The following SATL1 variants were observed in gnomAD, a reference collection of about 807,000 sequenced individuals.
The protein encoded by SATL1 is spermidine/spermine N1-acetyl transferase like 1, also known as spermidine/spermine N(1)-acetyltransferase-like protein 1.
Under a neutral mutation model 51.8 loss-of-function variants are expected in SATL1, and 47 were observed. The observed-to-expected ratio is 0.91, with a 90% CI of 0.72 to 1.16. SATL1 has a LOEUF of 1.16. Ranked by LOEUF, SATL1 falls within the 50% of genes most tolerant of loss-of-function variation. The pLI, the probability that SATL1 is intolerant of heterozygous loss-of-function variation, is 0.00. For synonymous variants in SATL1, 176 were observed against 182.4 expected (o/e 0.97, Z 0.28); for missense variants, 520 against 526.4 (o/e 0.99, Z 0.12).
At chrX:85,145,664 T>C in intron 2 of SATL1, among the ~76,000 whole-genome samples, 1 of 111,056 alleles carries the variant, frequency 9.0e-6, no homozygotes, top group Non-Finnish European at 1.9e-5. Context: ...CAAAATGTGG[T>C]AGACACATTT....
At chrX:85,122,236 T>A (rs1925524454) in intron 2 of SATL1, among the ~76,000 whole-genome samples, 1 of 111,314 alleles carries the variant, frequency 9.0e-6, no homozygotes. Flanking sequence ...TTCCCTGACA[T>A]CCTTTAAACA....
intron 2 of SATL1, among the ~76,000 whole-genome samples, chrX:85,193,956 T>C (rs151224384): frequency 0.017 from 1,869 of 112,033 alleles, 24 homozygotes; most frequent in Non-Finnish European, 0.026. Flanking sequence ...TCTTTGCTAT[T>C]GTGAACAGTG....
intron 2 of SATL1, among the ~76,000 whole-genome samples, chrX:85,143,753 A>C (rs958993924): frequency 2.7e-5 from 3 of 111,456 alleles, no homozygotes; most frequent in African/African-American, 9.8e-5. Context: ...GATCTCTGAG[A>C]TAAATATGAA....
In SATL1 at chrX:85,108,107, G is replaced by A. The variant is rs1925127944; in HGVS notation, c.862C>T (p.Gln288Ter). ...ATGCTTGGTTGTTTCATGTCCACTT[G>A]GTTCATTTCATATAGGCTTGCACTC... ...QWSASLYEMN[Q>*]VDMKQPSMSQ... is the part of the protein sequence containing the mutation. Residue 288 changes from glutamine (Q) to a stop codon, truncating the protein, a stop_gained, in exon 3 of 8, where the codon CAA (glutamine) becomes TAA (stop). Coordinates refer to ENST00000644105, the MANE Select transcript of SATL1 (RefSeq NM_001367857.2). LOFTEE classifies it high-confidence loss of function. 1.7e-6 allele frequency: 2 copies of A among 1,209,771 alleles called. No homozygotes were observed. Among genetic ancestry groups the A allele is most frequent in the Admixed American group, 2.2e-5 (1 of 45,745 alleles).
intron 2 of SATL1, among the ~76,000 whole-genome samples, chrX:85,133,291 G>A (rs891240199): frequency 7.1e-5 from 8 of 111,996 alleles, no homozygotes; most frequent in African/African-American, 1.9e-4. Flanking sequence ...GGTGGGCCTC[G>A]TTGAGCTGCG....
At chrX:85,133,099 G>A (rs1293210608) in intron 2 of SATL1, among the ~76,000 whole-genome samples, 1 of 112,103 alleles carries the variant, frequency 8.9e-6, no homozygotes, top group African/African-American at 3.2e-5. Context: ...TCCAAGTTAG[G>A]CTACATGAGG....
chrX:85,157,406 T>A (rs1160809234), intron 2 of SATL1, among the ~76,000 whole-genome samples: 1 of 111,749 alleles, frequency 8.9e-6, no homozygotes, highest in Non-Finnish European at 1.9e-5. Context: ...ATATTGTTGA[T>A]GTCTCCAAAA....
intron 2 of SATL1, among the ~76,000 whole-genome samples, chrX:85,215,433 T>C (rs1481038144): frequency 1.8e-5 from 2 of 112,240 alleles, no homozygotes; most frequent in East Asian, 5.6e-4. Flanking sequence ...TTTTCTTCTC[T>C]ATCACATGGC....
chrX:85,117,311 C>A (rs778559066), intron 2 of SATL1: 3 of 111,595 alleles, frequency 2.7e-5, no homozygotes, highest in Non-Finnish European at 5.6e-5. Flanking sequence ...CCTTATTTCC[C>A]TCAGTCAAAT....
chrX:85,151,547 T>C (rs1210391654), intron 2 of SATL1, among the ~76,000 whole-genome samples: 3 of 111,386 alleles, frequency 2.7e-5, no homozygotes, highest in Non-Finnish European at 3.8e-5. Context: ...GGAGGCATCA[T>C]GCTACCTGAC....
At position 85,118,087 on chromosome X, in the gene SATL1, C is replaced by CTTTTTTT. The variant is rs747093188; in HGVS notation, c.-312-8814_-312-8808dup. Among the ~76,000 whole-genome samples, 29 of 46,174 alleles carry CTTTTTTT rather than the reference C, an allele frequency of 6.3e-4. 7 individuals carry two copies. The highest frequency in any genetic ancestry group is 2.5e-3 in the South Asian group (2 of 790). The allele number at this position is 46,174 out of a possible 115,157, so 40.1% of individuals were successfully genotyped here. ...TTTTGCAAATAAAAAAAGAACTTAG[C>CTTTTTTT]TTTTTTTTTTTTTTTTCCAGAGTGC... On this transcript the variant is annotated intron_variant, in intron 2 of 7. Coordinates refer to ENST00000644105, the MANE Select transcript of SATL1 (RefSeq NM_001367857.2).
chrX:85,093,073 A>G, intron 7 of SATL1, 112 bp downstream of exon 7: 2 of 706,037 alleles, frequency 2.8e-6, no homozygotes, highest in African/African-American at 2.2e-5. Context: ...AATTTGAAGT[A>G]TATGTTGGGG....
intron 1 of SATL1, among the ~76,000 whole-genome samples, chrX:85,239,987 T>C (rs913103347): frequency 3.6e-5 from 4 of 111,535 alleles, no homozygotes; most frequent in African/African-American, 1.3e-4. Context: ...TTTGAAAACA[T>C]TTTTTCTGCC....
At chrX:85,167,216 T>G in intron 2 of SATL1, among the ~76,000 whole-genome samples, 1 of 98,775 alleles carries the variant, frequency 1.0e-5, no homozygotes, top group African/African-American at 3.8e-5. Flanking sequence ...AGCATACGGA[T>G]GATTGATATA....
intron 2 of SATL1, among the ~76,000 whole-genome samples, chrX:85,196,946 A>T (rs1284489269): frequency 8.9e-6 from 1 of 112,114 alleles, no homozygotes; most frequent in Middle Eastern, 4.2e-3. Context: ...ATGGTTTCTT[A>T]GATATGACAC....
intron 2 of SATL1, among the ~76,000 whole-genome samples, chrX:85,186,383 A>G (rs1927314326): frequency 9.1e-6 from 1 of 110,211 alleles, no homozygotes; most frequent in Non-Finnish European, 1.9e-5. Flanking sequence ...CCCCAAGTCT[A>G]AAGGCTCCAA....
intron 2 of SATL1, among the ~76,000 whole-genome samples, chrX:85,220,480 C>T (rs924844834): frequency 9.4e-6 from 1 of 106,530 alleles, no homozygotes; most frequent in African/African-American, 3.4e-5. Flanking sequence ...CAGCTTGTGG[C>T]TCCAAAAGAG....
rs113628670 is a variant in SATL1 at position 85,169,809 on chromosome X, G to T, written c.-313+54396C>A. On this transcript the variant is annotated intron_variant, in intron 2 of 7. Coordinates refer to ENST00000644105, the MANE Select transcript of SATL1 (RefSeq NM_001367857.2). ...GGAATATAAATTGTTCTATCATAAA[G>T]ACATATGCACATGTATGTTCATTGT... is the stretch of plus-strand genomic sequence containing the variant. Among the ~76,000 whole-genome samples the T allele has an allele frequency of 1.0e-2, 1,114 of 111,528 alleles. 15 individuals carry two copies. Among genetic ancestry groups the T allele is most frequent in the African/African-American group, 0.034 (1,057 of 30,770 alleles).
At chrX:85,153,057 C>T (rs1316957138) in intron 2 of SATL1, among the ~76,000 whole-genome samples, 1 of 110,332 alleles carries the variant, frequency 9.1e-6, no homozygotes, top group African/African-American at 3.3e-5. Context: ...TCAGTATATG[C>T]ATCAGAGAAC....
Sources: gnomAD v4.1 joint callset for allele counts (sites outside exome capture counted in the v4.1 genomes callset) on GRCh38, gnomAD v4.1.1 for gene constraint, MANE v1.5 for transcripts, NCBI Gene and HGNC (gene_info 2026-07-23, HGNC 2026-07-21) for gene names.